Variants in MDN1 observed in about 807,000 individuals in gnomAD.
MDN1 encodes midasin.
In MDN1, 266 loss-of-function variants were observed where a neutral mutation model predicts 669.2. The observed-to-expected ratio is 0.40, with a 90% CI of 0.36 to 0.44. The LOEUF is 0.44. Among genes scored for constraint, MDN1 ranks in the 20% least tolerant of loss-of-function variants. The pLI is 1.00. For synonymous variants in MDN1, 2,385 were observed against 2,457.1 expected (o/e 0.97, Z 0.87); for missense variants, 5,940 against 6,754.0 (o/e 0.88, Z 4.22).
rs533934572 is a variant in MDN1, at chr6:89,785,048, A to C, written c.1413T>G (p.Ile471Met). 6.2e-7 allele frequency: 1 copy of C among 1,613,972 alleles called. No homozygotes were observed. Among genetic ancestry groups the C allele is most frequent in the South Asian group, 1.1e-5 (1 of 91,072 alleles). ...ATLLDKYWTKIHLDNLDKREL... is the reference protein window; with the variant it reads ...ATLLDKYWTKMHLDNLDKREL... Reference sequence around the variant, plus strand: ...CTCTCTTATCCAGGTTATCCAGGTGAATTTTGGTCCAATATTTGTCTAGCA... The same window carrying C: ...CTCTCTTATCCAGGTTATCCAGGTGCATTTTGGTCCAATATTTGTCTAGCA... The change falls in exon 9 of 102, where the codon ATT (isoleucine) becomes ATG (methionine). Residue 471 changes from isoleucine to methionine, a missense_variant. Coordinates refer to ENST00000369393, the MANE Select transcript of MDN1 (RefSeq NM_014611.3).
rs1390142871 is a variant in MDN1 at position 89,650,148 on chromosome 6, T to C, written c.16082A>G (p.Tyr5361Cys). 6.2e-7 allele frequency: 1 copy of C among 1,614,072 alleles called. No homozygotes were observed. The highest frequency in any genetic ancestry group is 1.3e-5 in the African/African-American group (1 of 74,934). ...GTCTTTCCGAAATTGACTAGCAATG[T>C]ATGGAATGACTTTCCGTATGTTTAG... Reference protein sequence around the residue: ...KRLNIRKVIPYIASQFRKDKI... With the variant: ...KRLNIRKVIPCIASQFRKDKI... Residue 5361 changes from tyrosine to cysteine, a missense_variant, in exon 97 of 102, where the codon TAC becomes TGC. Around this residue, in one of 5 missense-constraint regions of MDN1, gnomAD observed 2,280 missense variants for 2,576.3 expected, o/e 0.88. Transcript: ENST00000369393.
intron 1 of MDN1, among the ~76,000 whole-genome samples, chr6:89,805,034 C>CA (rs34538984): frequency 0.21 from 12,142 of 57,766 alleles, 2,010 homozygotes; most frequent in Middle Eastern, 0.28. Context: ...GACTCCGTCT[C>CA]AAAAAAAAAA....
At position 89,687,367 on chromosome 6, in the gene MDN1, A is replaced by C; in HGVS notation, c.11427T>G (p.Ile3809Met). The C allele has an allele frequency of 6.2e-7, 1 of 1,614,124 alleles. No homozygotes were observed. Among genetic ancestry groups the C allele is most frequent in the South Asian group, 1.1e-5 (1 of 91,058 alleles). The change falls in exon 68 of 102, where the codon ATT becomes ATG. Residue 3809 changes from isoleucine to methionine, a missense_variant. Ile to Met is a conservative substitution (Grantham distance 10, BLOSUM62 1). Coordinates refer to ENST00000369393, the MANE Select transcript of MDN1 (RefSeq NM_014611.3). Reference protein sequence around the residue: ...KHLDLISQMIIRWRKLELNCW... With the variant: ...KHLDLISQMIMRWRKLELNCW... ...ACTTCAGCTCCAGTTTACGCCACCGAATGATCATCTGACTGATCAAATCAA... is the reference window on the plus strand; with the variant it reads ...ACTTCAGCTCCAGTTTACGCCACCGCATGATCATCTGACTGATCAAATCAA...
intron 29 of MDN1, 138 bp downstream of exon 29, chr6:89,745,135 A>C: frequency 7.6e-6 from 2 of 264,084 alleles, no homozygotes; most frequent in South Asian, 8.3e-5. Context: ...GTCTCTTCTT[A>C]AAAAAAAAAA....
chr6:89,670,154 ATATATATATATATATATT>A (rs1810573767), intron 83 of MDN1, among the ~76,000 whole-genome samples: 1 of 21,106 alleles, frequency 4.7e-5, no homozygotes, highest in Non-Finnish European at 7.6e-5. Context: ...ATATATATAT[ATATATATATATATATATT>A]TTTTTTTTTT....
At position 89,712,690 on chromosome 6, in the gene MDN1, C is replaced by T; in HGVS notation, c.7315G>A (p.Val2439Met). Residue 2439 changes from valine to methionine, a missense_variant, in exon 48 of 102, where the codon GTG (valine) becomes ATG (methionine). Physicochemically the swap from Val to Met is conservative, Grantham distance 21. Around this residue, in one of 5 missense-constraint regions of MDN1, gnomAD observed 2,292 missense variants for 2,638.3 expected, o/e 0.87. Coordinates refer to ENST00000369393, the MANE Select transcript of MDN1 (RefSeq NM_014611.3). ...TCAGTAGCAAAGAGAGCTGAGGGCA[C>T]AGAATCTGGCCACAGTCCCATGCCA... ...ILGMGLWPDS[V>M]PSALFATEDS... The T allele has an allele frequency of 6.2e-7, 1 of 1,614,078 alleles. No homozygotes were observed. The highest frequency in any genetic ancestry group is 8.5e-7 in the Non-Finnish European group (1 of 1,179,960).
intron 84 of MDN1, among the ~76,000 whole-genome samples, chr6:89,667,188 T>C (rs977191223): frequency 2.6e-5 from 4 of 152,134 alleles, no homozygotes; most frequent in African/African-American, 4.8e-5. Flanking sequence ...TTTGACTTTT[T>C]TTTTCTACTA....
Position 89,730,786 on chromosome 6 carries a change from C to T in MDN1, c.5080G>A (p.Ala1694Thr). 2 of 1,614,044 alleles carry T rather than the reference C, an allele frequency of 1.2e-6. No individual in the cohort carries two copies. The highest frequency in any genetic ancestry group is 1.7e-5 in the Admixed American group (1 of 60,002). The change falls in exon 35 of 102, where the codon GCC becomes ACC. Residue 1694 changes from alanine to threonine, a missense_variant. Transcript: ENST00000369393. ...NELKIYDRMK[A>T]KEFTGIDNLW... ...TTATCTATTCCAGTGAATTCTTTGG[C>T]CTTCATTCTGTCATAAATCTTCAAC...
intron 1 of MDN1, chr6:89,815,186 C>A: frequency 2.6e-6 from 1 of 383,912 alleles, no homozygotes; most frequent in Non-Finnish European, 5.1e-6. Context: ...CACGTGCCTA[C>A]CCTCTACGGC....
chr6:89,815,154 C>T (rs1399172138), intron 1 of MDN1: 3 of 377,702 alleles, frequency 7.9e-6, no homozygotes, highest in Non-Finnish European at 1.6e-5. Flanking sequence ...TGTGCATCAC[C>T]ACCTCTCTAC....
chr6:89,752,668 T>A (rs922756878), intron 22 of MDN1, among the ~76,000 whole-genome samples: 14 of 152,198 alleles, frequency 9.2e-5, no homozygotes, highest in Admixed American at 2.6e-4. Flanking sequence ...TCAGAAGGTA[T>A]AGATTATACC....
At chr6:89,682,890 T>A (rs1265778187) in intron 73 of MDN1, among the ~76,000 whole-genome samples, 5 of 149,654 alleles carry the variant, frequency 3.3e-5, no homozygotes, top group African/African-American at 1.2e-4. Context: ...GAGACTGCAG[T>A]GAGCCATAAT....
chr6:89,671,130 C>A, intron 82 of MDN1, 50 bp from the exon 83 acceptor site: 1 of 1,576,136 alleles, frequency 6.3e-7, no homozygotes, highest in Non-Finnish European at 8.6e-7. Flanking sequence ...TGGCAGGTAC[C>A]AGGTTTCCAT....
At chr6:89,747,807 C>T (rs1434899416) in intron 26 of MDN1, among the ~76,000 whole-genome samples, 2 of 146,720 alleles carry the variant, frequency 1.4e-5, no homozygotes, top group Non-Finnish European at 3.0e-5. Context: ...AGGAGAACCG[C>T]ATGAACCCGG....
Position 89,683,304 on chromosome 6 carries a change from A to G in MDN1, c.11930T>C (p.Phe3977Ser), listed in dbSNP as rs200878547. ...HRTLFKFMKK[F>S]EAVLSEPCRS... ...GCAGGGTTCACTCAGGACTGCTTCA[A>G]ATTTCTTCATGAATTTAAAGAGTGT... Residue 3977 changes from phenylalanine to serine, a missense_variant, in exon 73 of 102, where the codon TTT becomes TCT. By Grantham distance (155) the Phe-to-Ser change is radical. Coordinates refer to ENST00000369393, the MANE Select transcript of MDN1 (RefSeq NM_014611.3). The G allele has an allele frequency of 6.2e-7, 1 of 1,614,160 alleles. No homozygotes were observed. Among genetic ancestry groups the G allele is most frequent in the East Asian group, 2.2e-5 (1 of 44,888 alleles).
chr6:89,773,366 C>T (rs890398748), intron 13 of MDN1, among the ~76,000 whole-genome samples: 7 of 151,624 alleles, frequency 4.6e-5, no homozygotes, highest in African/African-American at 1.2e-4. Context: ...ATGGTGAAAC[C>T]CCATCTCTAC....
At chr6:89,749,835 G>C (rs900666142) in intron 24 of MDN1, 84 bp from the exon 25 acceptor site, 9 of 1,099,960 alleles carry the variant, frequency 8.2e-6, no homozygotes, top group Non-Finnish European at 1.1e-5. Context: ...ACAAATCCTA[G>C]GTTATCATCA....
intron 52 of MDN1, 131 bp from the exon 53 acceptor site, chr6:89,706,323 G>T: frequency 1.1e-6 from 1 of 912,568 alleles, no homozygotes; most frequent in Non-Finnish European, 1.5e-6. Context: ...GAGAGCAAAA[G>T]CAAAAGCAAA....
At chr6:89,811,612 A>AT (rs1423827560) in intron 1 of MDN1, among the ~76,000 whole-genome samples, 19 of 151,820 alleles carry the variant, frequency 1.3e-4, no homozygotes, top group African/African-American at 4.6e-4. Flanking sequence ...CGCCCAGCTA[A>AT]TTTTTGTATT....
Sources: allele counts gnomAD v4.1 joint callset (sites outside exome capture counted in the v4.1 genomes callset), GRCh38; gene constraint gnomAD v4.1.1; regional missense constraint gnomAD v4.1.1; transcripts MANE v1.5; gene names NCBI Gene and HGNC (gene_info 2026-07-23, HGNC 2026-07-21).